The following DIAPH2 variants were observed in gnomAD, a reference collection of about 807,000 sequenced individuals.
DIAPH2 encodes the protein protein diaphanous homolog 2.
Under a neutral mutation model 92.7 loss-of-function variants are expected in DIAPH2, and 35 were observed. The ratio of observed to expected loss-of-function variants is 0.38; its 90% CI spans 0.29 to 0.50. The LOEUF (loss-of-function observed/expected upper bound fraction) is 0.50, where lower values mean the gene tolerates loss of function less well. DIAPH2 is among the 20% of genes least tolerant of loss of function. The pLI, the probability that DIAPH2 is intolerant of heterozygous loss-of-function variation, is 0.94. For synonymous variants in DIAPH2, 301 were observed against 280.4 expected (o/e 1.07, Z -0.73); for missense variants, 701 against 819.5 (o/e 0.86, Z 1.77).
intron 26 of DIAPH2, among the ~76,000 whole-genome samples, chrX:97,438,104 T>C (rs2070207295): frequency 1.1e-5 from 1 of 93,945 alleles, no homozygotes; most frequent in Non-Finnish European, 2.1e-5. Flanking sequence ...CTGGGCAACA[T>C]AGTGAGACCC....
At chrX:96,862,672 G>T (rs1479818389) in intron 4 of DIAPH2, among the ~76,000 whole-genome samples, 2 of 111,659 alleles carry the variant, frequency 1.8e-5, no homozygotes, top group East Asian at 5.6e-4. Flanking sequence ...CTGTATGCAT[G>T]GTCATGTCAA....
At chrX:97,518,526 A>ATG (rs765918214) in intron 26 of DIAPH2, among the ~76,000 whole-genome samples, 236 of 109,639 alleles carry the variant, frequency 2.2e-3, no homozygotes, top group Non-Finnish European at 4.1e-3. Context: ...ATATATATAT[A>ATG]TGTGTGTGTA....
At chrX:97,431,300 C>T (rs1449797879) in intron 26 of DIAPH2, 1 of 112,426 alleles carries the variant, frequency 8.9e-6, no homozygotes, top group Non-Finnish European at 1.9e-5. Flanking sequence ...TGTATCAATT[C>T]ATTTCTCTGT....
At chrX:96,832,713 C>T (rs973560821) in intron 4 of DIAPH2, among the ~76,000 whole-genome samples, 1 of 111,448 alleles carries the variant, frequency 9.0e-6, no homozygotes, top group African/African-American at 3.3e-5. Context: ...TGAACTATTG[C>T]AGAAGACTGG....
intron 17 of DIAPH2, among the ~76,000 whole-genome samples, chrX:97,043,110 G>A (rs1295112800): frequency 5.4e-5 from 6 of 111,832 alleles, no homozygotes; most frequent in Non-Finnish European, 9.4e-5. Context: ...GGGATTAGAA[G>A]TGTTTTCCCT....
chrX:96,835,201 C>A (rs1308521198), intron 4 of DIAPH2, among the ~76,000 whole-genome samples: 1 of 111,789 alleles, frequency 8.9e-6, no homozygotes, highest in Admixed American at 9.5e-5. Context: ...TGGCTCAATC[C>A]AAACACAGGG....
intron 5 of DIAPH2, among the ~76,000 whole-genome samples, chrX:96,893,428 T>C (rs1228148514): frequency 9.0e-6 from 1 of 111,357 alleles, no homozygotes; most frequent in Non-Finnish European, 1.9e-5. Flanking sequence ...TGCATCTCTT[T>C]TGTGTTGTTG....
intron 4 of DIAPH2, among the ~76,000 whole-genome samples, chrX:96,777,980 C>A (rs1299150145): frequency 1.6e-4 from 17 of 106,820 alleles, no homozygotes; most frequent in Non-Finnish European, 2.7e-4. Context: ...GTGCTGCACC[C>A]ATTAACTTGT....
At chrX:97,560,811 T>A (rs1030574549) in intron 26 of DIAPH2, among the ~76,000 whole-genome samples, 1 of 112,741 alleles carries the variant, frequency 8.9e-6, no homozygotes, top group African/African-American at 3.2e-5. Context: ...TCATTTTAGA[T>A]TTCACTTTCT....
intron 21 of DIAPH2, among the ~76,000 whole-genome samples, chrX:97,138,048 G>T (rs1031982025): frequency 4.5e-5 from 5 of 111,597 alleles, no homozygotes. Flanking sequence ...GAAGAAATAG[G>T]CTTACATCTC....
intron 4 of DIAPH2, among the ~76,000 whole-genome samples, chrX:96,864,422 T>A (rs1189815463): frequency 9.0e-6 from 1 of 111,357 alleles, no homozygotes; most frequent in Admixed American, 9.6e-5. Context: ...TTTAACGGTA[T>A]TGTAGTTTCT....
chrX:96,901,013 G>A (rs1253602185), intron 5 of DIAPH2, among the ~76,000 whole-genome samples: 2 of 111,573 alleles, frequency 1.8e-5, no homozygotes, highest in African/African-American at 6.5e-5. Context: ...TTCTCTTTTG[G>A]AATAGTTTCA....
rs950948075 is a variant in DIAPH2, at chrX:96,792,055, G to A, written c.447+33797G>A. Reference sequence around the variant, plus strand: ...CAGGGAAACAGGGAAGATTGTAGACGTAAGAATATACAAGAAATGCTAAGT... The same window carrying A: ...CAGGGAAACAGGGAAGATTGTAGACATAAGAATATACAAGAAATGCTAAGT... On this transcript the variant is annotated intron_variant, in intron 4 of 26. Coordinates refer to ENST00000324765, the MANE Select transcript of DIAPH2 (RefSeq NM_006729.5). Among the ~76,000 whole-genome samples the A allele has an allele frequency of 7.2e-5, 8 of 111,589 alleles. 1 individual carries two copies. The highest frequency in any genetic ancestry group is 3.8e-4 in the South Asian group (1 of 2,638).
At chrX:96,924,501 A>G (rs755878568) in intron 9 of DIAPH2, among the ~76,000 whole-genome samples, 55 of 111,556 alleles carry the variant, frequency 4.9e-4, no homozygotes, top group Non-Finnish European at 9.4e-4. Flanking sequence ...TTTTGAAGTC[A>G]TTATATTAGC....
At chrX:96,903,769 G>A (rs2065415085) in intron 5 of DIAPH2, among the ~76,000 whole-genome samples, 1 of 111,771 alleles carries the variant, frequency 8.9e-6, no homozygotes, top group Non-Finnish European at 1.9e-5. Flanking sequence ...AAGGAAGGTG[G>A]GGAGGAAAAT....
At chrX:97,310,431 G>C (rs2068783678) in intron 23 of DIAPH2, among the ~76,000 whole-genome samples, 1 of 111,885 alleles carries the variant, frequency 8.9e-6, no homozygotes, top group Admixed American at 9.6e-5. Flanking sequence ...GAGTTTGGTG[G>C]TATGTTCGTA....
At chrX:97,042,181 A>T (rs189389327) in intron 17 of DIAPH2, among the ~76,000 whole-genome samples, 1 of 111,880 alleles carries the variant, frequency 8.9e-6, no homozygotes, top group African/African-American at 3.2e-5. Flanking sequence ...TGTGATGATT[A>T]TATTGTAAGA....
intron 4 of DIAPH2, among the ~76,000 whole-genome samples, chrX:96,875,428 A>G (rs179807): frequency 0.076 from 8,561 of 111,997 alleles, 809 homozygotes; most frequent in African/African-American, 0.26. Context: ...CTTTTCTTTC[A>G]TTAAACATTT....
At chrX:96,960,989 T>C (rs1422258452) in intron 16 of DIAPH2, among the ~76,000 whole-genome samples, 5 of 112,033 alleles carry the variant, frequency 4.5e-5, no homozygotes, top group Non-Finnish European at 9.4e-5. Flanking sequence ...TGCTGTTGGA[T>C]TCAGTTCCCT....
Sources: gnomAD v4.1 joint callset for allele counts (sites outside exome capture counted in the v4.1 genomes callset) on GRCh38, gnomAD v4.1.1 for gene constraint, MANE v1.5 for transcripts, NCBI Gene and HGNC (gene_info 2026-07-23, HGNC 2026-07-21) for gene names.